LRRTM4: variants seen among roughly 807,000 people sequenced by gnomAD.
The protein encoded by LRRTM4 is leucine-rich repeat transmembrane neuronal protein 4.
LRRTM4 carries 25 observed loss-of-function variants against 47.6 expected under a neutral mutation model. That is an observed-to-expected ratio of 0.53 (90% CI 0.38 to 0.73). LRRTM4 has a LOEUF of 0.73. Among genes scored for constraint, LRRTM4 ranks in the 30% least tolerant of loss-of-function variants. The probability of loss-of-function intolerance (pLI) is 0.00; values close to 1 mark genes in which losing one functional copy is unlikely to be tolerated. For missense variants in LRRTM4, 638 were observed against 713.4 expected (o/e 0.89, Z 1.20); for synonymous variants, 311 against 269.5 (o/e 1.15, Z -1.51).
intron 3 of LRRTM4, among the ~76,000 whole-genome samples, chr2:77,495,510 G>C (rs751304490): frequency 1.2e-4 from 18 of 151,846 alleles, no homozygotes; most frequent in Non-Finnish European, 1.9e-4. Context: ...TTTTATTCTA[G>C]AATTTTTATG....
chr2:77,365,881 T>A (rs1256293340), intron 3 of LRRTM4, among the ~76,000 whole-genome samples: 1 of 148,998 alleles, frequency 6.7e-6, no homozygotes. Flanking sequence ...GTTGGGATTG[T>A]GAAATTTTTA....
intron 3 of LRRTM4, among the ~76,000 whole-genome samples, chr2:77,061,971 T>C (rs2103802046): frequency 6.6e-6 from 1 of 152,332 alleles, no homozygotes; most frequent in South Asian, 2.1e-4. Context: ...CTTGAGAATG[T>C]ATAAACCACA....
At chr2:76,906,281 C>G (rs1224081553) in intron 3 of LRRTM4, among the ~76,000 whole-genome samples, 1 of 152,052 alleles carries the variant, frequency 6.6e-6, no homozygotes, top group Non-Finnish European at 1.5e-5. Flanking sequence ...AAATACTTTA[C>G]AGACAAGCAA....
intron 3 of LRRTM4, among the ~76,000 whole-genome samples, chr2:77,229,035 CTCTT>C (rs936992198): frequency 1.3e-5 from 2 of 152,096 alleles, no homozygotes; most frequent in Non-Finnish European, 2.9e-5. Flanking sequence ...TTGCTCCTCT[CTCTT>C]TATATCACTC....
At position 77,311,265 on chromosome 2, in the gene LRRTM4, T is replaced by A. The variant is rs76179130; in HGVS notation, c.1551+207053A>T. ...TCTACCTCATTTGAGGGTACTGAGT[T>A]TTCTTGGAAAAAATAAAAGAACAAC... On this transcript the variant is annotated intron_variant, in intron 3 of 3. Transcript: ENST00000409884. Among the ~76,000 whole-genome samples, 1,222 of 152,228 alleles carry A rather than the reference T, an allele frequency of 8.0e-3. 13 individuals are homozygous for A. The highest frequency in any genetic ancestry group is 0.028 in the African/African-American group (1,169 of 41,530).
intron 3 of LRRTM4, among the ~76,000 whole-genome samples, chr2:76,957,279 G>T (rs1339517795): frequency 6.6e-6 from 1 of 151,592 alleles, no homozygotes; most frequent in African/African-American, 2.4e-5. Context: ...GAAAGTCATT[G>T]TTCAATGGGT....
intron 3 of LRRTM4, among the ~76,000 whole-genome samples, chr2:76,794,043 G>A (rs1396658672): frequency 6.6e-6 from 1 of 152,164 alleles, no homozygotes; most frequent in Admixed American, 6.6e-5. Flanking sequence ...CTGGGCTAGG[G>A]AAGTCCAACC....
chr2:76,759,309 C>A (rs1225331498), intron 3 of LRRTM4, among the ~76,000 whole-genome samples: 2 of 152,150 alleles, frequency 1.3e-5, no homozygotes, highest in Non-Finnish European at 2.9e-5. Flanking sequence ...TCCAGGTCTT[C>A]TCTAGAATAA....
At chr2:77,114,611 A>G (rs1671337649) in intron 3 of LRRTM4, among the ~76,000 whole-genome samples, 2 of 152,134 alleles carry the variant, frequency 1.3e-5, no homozygotes, top group African/African-American at 4.8e-5. Flanking sequence ...CCAGCCCCCA[A>G]TATTTCAACG....
intron 3 of LRRTM4, among the ~76,000 whole-genome samples, chr2:76,756,760 G>T (rs1388815867): frequency 6.6e-6 from 1 of 152,074 alleles, no homozygotes; most frequent in Non-Finnish European, 1.5e-5. Context: ...CTAAAGAGAA[G>T]CTATAATAGA....
chr2:77,398,404 A>T (rs1673789771), intron 3 of LRRTM4, among the ~76,000 whole-genome samples: 1 of 151,928 alleles, frequency 6.6e-6, no homozygotes, highest in African/African-American at 2.4e-5. Context: ...TACATCTCAG[A>T]GGAGTCTGAG....
chr2:77,082,141 T>G (rs1680553557), intron 3 of LRRTM4, among the ~76,000 whole-genome samples: 1 of 152,138 alleles, frequency 6.6e-6, no homozygotes, highest in Non-Finnish European at 1.5e-5. Context: ...TGAAGACCTT[T>G]TCTTAACTAC....
At chr2:77,422,177 G>A (rs552068230) in intron 3 of LRRTM4, among the ~76,000 whole-genome samples, 5 of 152,182 alleles carry the variant, frequency 3.3e-5, no homozygotes, top group Non-Finnish European at 7.3e-5. Flanking sequence ...TCATTGTTAC[G>A]CAATGCGTGA....
Position 76,748,458 on chromosome 2 carries a change from GTTTGT to G in LRRTM4, c.*232_*236del. On this transcript the variant is annotated 3_prime_UTR_variant, in exon 4 of 4. Coordinates refer to ENST00000409884, the MANE Select transcript of LRRTM4 (RefSeq NM_001134745.3). ...ACTATTTACATCCGGGAGCATTTTT[GTTTGT>G]TTTATGTTTTAAAGCAAAGAAAGTT... The G allele has an allele frequency of 1.9e-6, 1 of 540,522 alleles. No homozygotes were observed. Among genetic ancestry groups the G allele is most frequent in the Non-Finnish European group, 3.3e-6 (1 of 304,254 alleles). The allele number at this position is 540,522 out of a possible 1,614,324, so 33.5% of individuals were successfully genotyped here. A position where few individuals can be genotyped will look rare whatever the true frequency, so the allele number is the denominator to read the frequency against.
At chr2:77,198,096 C>G (rs1159032567) in intron 3 of LRRTM4, among the ~76,000 whole-genome samples, 1 of 152,178 alleles carries the variant, frequency 6.6e-6, no homozygotes, top group Non-Finnish European at 1.5e-5. Context: ...CAACAAACTT[C>G]TATTTCGTCT....
chr2:77,135,680 T>A (rs1671916409), intron 3 of LRRTM4, among the ~76,000 whole-genome samples: 2 of 152,178 alleles, frequency 1.3e-5, no homozygotes, highest in Admixed American at 6.5e-5. Flanking sequence ...AAGTTCTCAA[T>A]GAAAAATTGA....
At chr2:77,288,917 T>C (rs1349298873) in intron 3 of LRRTM4, among the ~76,000 whole-genome samples, 1 of 148,276 alleles carries the variant, frequency 6.7e-6, no homozygotes, top group Non-Finnish European at 1.5e-5. Context: ...TTACTTGCTA[T>C]CTGAAACACT....
At chr2:77,230,366 A>G (rs945854379) in intron 3 of LRRTM4, among the ~76,000 whole-genome samples, 2 of 152,132 alleles carry the variant, frequency 1.3e-5, no homozygotes, top group Non-Finnish European at 2.9e-5. Context: ...TAAAAATACT[A>G]TGTAAACTAG....
intron 3 of LRRTM4, among the ~76,000 whole-genome samples, chr2:76,937,631 C>T (rs991955630): frequency 6.6e-6 from 1 of 152,162 alleles, no homozygotes; most frequent in Non-Finnish European, 1.5e-5. Flanking sequence ...TGCAGTGGTG[C>T]GATCCCGACT....
Sources: allele counts gnomAD v4.1 joint callset (sites outside exome capture counted in the v4.1 genomes callset), GRCh38; gene constraint gnomAD v4.1.1; transcripts MANE v1.5; gene names NCBI Gene and HGNC (gene_info 2026-07-23, HGNC 2026-07-21).